Variants in PCDHA1 observed in about 807,000 individuals in gnomAD.
PCDHA1 encodes protocadherin alpha 1.
Under a neutral mutation model 61.3 loss-of-function variants are expected in PCDHA1, and 42 were observed. The observed-to-expected ratio is 0.69, with a 90% CI of 0.54 to 0.89. The LOEUF is 0.89. Among genes scored for constraint, PCDHA1 ranks in the 40% least tolerant of loss-of-function variants. The pLI, the probability that PCDHA1 is intolerant of heterozygous loss-of-function variation, is 0.00. For missense variants in PCDHA1, 1,256 were observed against 1,235.3 expected (o/e 1.02, Z -0.25); for synonymous variants, 610 against 553.8 (o/e 1.10, Z -1.43).
At chr5:140,881,425 G>A (rs2058709101) in intron 1 of PCDHA1, 2 of 901,294 alleles carry the variant, frequency 2.2e-6, no homozygotes, top group Non-Finnish European at 1.3e-6. Flanking sequence ...TTAGTTCCAG[G>A]CATATTTTAT....
In PCDHA1 at chr5:140,788,074, G is replaced by T; in HGVS notation, c.1784G>T (p.Arg595Leu). The T allele has an allele frequency of 6.2e-7, 1 of 1,614,002 alleles. No individual in the cohort carries two copies. Among genetic ancestry groups the T allele is most frequent in the Non-Finnish European group, 8.5e-7 (1 of 1,179,904 alleles). The change falls in exon 1 of 4, where the codon CGC (arginine) becomes CTC (leucine). Residue 595 changes from arginine (R) to leucine (L), a missense_variant. Transcript: ENST00000504120. Reference protein sequence around the residue: ...VGAGHVVAKVRAVDADSGYNA... With the variant: ...VGAGHVVAKVLAVDADSGYNA... The stretch of plus-strand genomic sequence containing the variant: ...GCGGGTCATGTGGTGGCGAAGGTGC[G>T]CGCAGTGGACGCCGACTCGGGCTAC...
intron 1 of PCDHA1, chr5:140,966,946 C>T: frequency 6.2e-7 from 1 of 1,603,486 alleles, no homozygotes; most frequent in Non-Finnish European, 8.5e-7. Flanking sequence ...TCGTGGGCAA[C>T]GTGGCTCGCG....
At chr5:141,001,822 TGACAGAGAGGGA>T (rs541215764) in intron 3 of PCDHA1, among the ~76,000 whole-genome samples, 203 of 152,310 alleles carry the variant, frequency 1.3e-3, no homozygotes, top group African/African-American at 4.5e-3. Context: ...GGCCAAATTC[TGACAGAGAGGGA>T]GACAGAGAGA....
intron 1 of PCDHA1, among the ~76,000 whole-genome samples, chr5:140,918,149 A>G (rs2078550151): frequency 1.3e-5 from 2 of 151,946 alleles, no homozygotes; most frequent in African/African-American, 4.8e-5. Flanking sequence ...CTTTTTGTGT[A>G]TGTCTATTGT....
At chr5:140,897,237 G>C (rs1188679482) in intron 1 of PCDHA1, among the ~76,000 whole-genome samples, 1 of 151,784 alleles carries the variant, frequency 6.6e-6, no homozygotes, top group African/African-American at 2.4e-5. Context: ...CAATGTGCAG[G>C]TTAGTTACAT....
chr5:140,798,279 G>C (rs1466705587), intron 1 of PCDHA1, among the ~76,000 whole-genome samples: 3 of 152,070 alleles, frequency 2.0e-5, no homozygotes, highest in Non-Finnish European at 4.4e-5. Flanking sequence ...AGGAATAACT[G>C]CTAATCTTAA....
intron 1 of PCDHA1, chr5:140,803,935 T>C (rs1763306574): frequency 2.5e-6 from 1 of 405,890 alleles, no homozygotes. Flanking sequence ...TACTTATCCC[T>C]ATACAATGCT....
chr5:140,875,688 G>A (rs1554167865), intron 1 of PCDHA1: 7 of 1,614,004 alleles, frequency 4.3e-6, no homozygotes, highest in Non-Finnish European at 4.2e-6. Context: ...AAAGACACGG[G>A]GACCTTCTGG....
rs2098420299 is a variant in PCDHA1 at position 141,011,351 on chromosome 5, A to G, written c.*1414A>G. The G allele has an allele frequency of 1.3e-5, 2 of 153,694 alleles. No homozygotes were observed. Among genetic ancestry groups the G allele is most frequent in the African/African-American group, 2.4e-5 (1 of 41,410 alleles). 9.5% of individuals were successfully genotyped at this position (153,694 alleles called of 1,614,324 possible). A position where few individuals can be genotyped will look rare whatever the true frequency, so the allele number is the denominator to read the frequency against. On this transcript the variant is annotated 3_prime_UTR_variant, in exon 4 of 4. Transcript: ENST00000504120. ...TGATGTTACCTGAAATCAATCTCCC[A>G]TATGTATGCTGTATGCTATGCTAAG...
At chr5:140,876,810 C>A in intron 1 of PCDHA1, 2 of 1,614,154 alleles carry the variant, frequency 1.2e-6, no homozygotes, top group Non-Finnish European at 1.7e-6. Flanking sequence ...TGGAGGTGGC[C>A]GACGTGAACG....
At position 140,823,889 on chromosome 5, in the gene PCDHA1, C is replaced by G. The variant is rs2150130096; in HGVS notation, c.2394+35205C>G. ...GTGTACCTGATCATCGCCATCTGTGCGGTGTCCAGCCTGCTGGTGCTCACG... is the reference window on the plus strand; with the variant it reads ...GTGTACCTGATCATCGCCATCTGTGGGGTGTCCAGCCTGCTGGTGCTCACG... On this transcript the variant is annotated intron_variant, in intron 1 of 3. Coordinates refer to ENST00000504120, the MANE Select transcript of PCDHA1 (RefSeq NM_018900.4). 20 of 1,613,944 alleles carry G rather than the reference C, an allele frequency of 1.2e-5. No individual in the cohort carries two copies. The highest frequency in any genetic ancestry group is 1.5e-5 in the Non-Finnish European group (18 of 1,179,938).
At chr5:140,825,504 A>C (rs2150139800) in intron 1 of PCDHA1, 2 of 151,098 alleles carry the variant, frequency 1.3e-5, no homozygotes, top group South Asian at 4.2e-4. Context: ...GCAATGGTAC[A>C]ATCTTGGCCT....
chr5:140,831,844 G>T (rs2150197622), intron 1 of PCDHA1, among the ~76,000 whole-genome samples: 1 of 152,224 alleles, frequency 6.6e-6, no homozygotes, highest in South Asian at 2.1e-4. Flanking sequence ...TGATAGAATT[G>T]TCATAAAGCT....
At chr5:140,794,984 G>A in intron 1 of PCDHA1, 2 of 1,611,150 alleles carry the variant, frequency 1.2e-6, no homozygotes, top group Non-Finnish European at 1.7e-6. Flanking sequence ...TCTATCAGAA[G>A]GGGCCGAGGG....
intron 1 of PCDHA1, chr5:140,809,309 T>A: frequency 6.2e-7 from 1 of 1,614,110 alleles, no homozygotes; most frequent in Non-Finnish European, 8.5e-7. Context: ...CTGCGCGGTG[T>A]CCAGCCTTTT....
chr5:140,788,273 C>G lies in PCDHA1; in HGVS notation c.1983C>G (p.Ala661=). The change falls in exon 1 of 4, where the codon GCC becomes GCG. Residue 661 remains alanine (A), a synonymous_variant. Coordinates refer to ENST00000504120, the MANE Select transcript of PCDHA1 (RefSeq NM_018900.4). ...ATCACGGTGAGCCGGCGCTGACAGC[C>G]ACGGCCACTGTGCTTGTATCTCTGG... ...VKDHGEPALT[A]TATVLVSLVE... is the part of the protein sequence containing the mutation. 6.2e-7 allele frequency: 1 copy of G among 1,613,986 alleles called. No homozygotes were observed. Among genetic ancestry groups the G allele is most frequent in the African/African-American group, 1.3e-5 (1 of 75,042 alleles).
chr5:140,956,585 T>G (rs1004549488), intron 1 of PCDHA1, among the ~76,000 whole-genome samples: 4 of 152,198 alleles, frequency 2.6e-5, no homozygotes, highest in Non-Finnish European at 5.9e-5. Flanking sequence ...CATTGATGCT[T>G]ATCAGGGATA....
intron 1 of PCDHA1, among the ~76,000 whole-genome samples, chr5:140,840,971 G>A (rs1237845348): frequency 6.6e-6 from 1 of 152,000 alleles, no homozygotes; most frequent in African/African-American, 2.4e-5. Flanking sequence ...TCCTTATGAA[G>A]AAGAAATCCC....
chr5:140,986,114 T>A (rs1465954606), intron 3 of PCDHA1, among the ~76,000 whole-genome samples: 1 of 152,168 alleles, frequency 6.6e-6, no homozygotes, highest in Non-Finnish European at 1.5e-5. Flanking sequence ...AAGATAAAGA[T>A]GCCACACTCT....
Sources: allele counts gnomAD v4.1 joint callset (sites outside exome capture counted in the v4.1 genomes callset), GRCh38; gene constraint gnomAD v4.1.1; transcripts MANE v1.5; gene names NCBI Gene and HGNC (gene_info 2026-07-23, HGNC 2026-07-21).